Variants in ARHGAP44 observed in about 807,000 individuals in gnomAD.
The protein encoded by ARHGAP44 is Rho GTPase activating protein 44, also known as rho GTPase-activating protein 44.
A neutral mutation model predicts 106.8 loss-of-function variants in ARHGAP44; 43 were observed. The ratio of observed to expected loss-of-function variants is 0.40; its 90% CI spans 0.32 to 0.52. ARHGAP44 has a LOEUF of 0.52. Ranked by LOEUF, ARHGAP44 falls within the 20% of genes least tolerant of loss-of-function variation. ARHGAP44 has a pLI of 0.48. For missense variants in ARHGAP44, 866 were observed against 1,050.5 expected (o/e 0.82, Z 2.43); for synonymous variants, 439 against 410.3 (o/e 1.07, Z -0.85).
intron 18 of ARHGAP44, among the ~76,000 whole-genome samples, chr17:12,974,933 T>G (rs1485408630): frequency 1.3e-5 from 2 of 151,518 alleles, no homozygotes; most frequent in Non-Finnish European, 2.9e-5. Flanking sequence ...CACTGCAACC[T>G]CCGCCTTACA....
intron 1 of ARHGAP44, among the ~76,000 whole-genome samples, chr17:12,812,938 T>C (rs1302849978): frequency 6.6e-6 from 1 of 152,234 alleles, no homozygotes; most frequent in Non-Finnish European, 1.5e-5. Flanking sequence ...TCTCTACTTA[T>C]CTGGAGTATT....
At chr17:12,852,425 TTA>T (rs1269721003) in intron 1 of ARHGAP44, among the ~76,000 whole-genome samples, 1 of 150,856 alleles carries the variant, frequency 6.6e-6, no homozygotes, top group East Asian at 2.0e-4. Context: ...CTTGTCTATT[TTA>T]TGTTTTTTTG....
intron 4 of ARHGAP44, among the ~76,000 whole-genome samples, chr17:12,914,477 G>T (rs762691414): frequency 8.5e-5 from 13 of 152,150 alleles, no homozygotes; most frequent in Non-Finnish European, 1.6e-4. Context: ...ATCTGATTCC[G>T]CATGTACCAA....
intron 10 of ARHGAP44, 118 bp downstream of exon 10, chr17:12,944,314 T>G: frequency 3.0e-6 from 4 of 1,333,312 alleles, no homozygotes; most frequent in Non-Finnish European, 3.9e-6. Context: ...TCCAAATGGC[T>G]TAAGACAGTG....
chr17:12,946,098 A>G (rs2038844793), intron 10 of ARHGAP44, among the ~76,000 whole-genome samples: 1 of 152,178 alleles, frequency 6.6e-6, no homozygotes, highest in South Asian at 2.1e-4. Context: ...TCCCTGAGAG[A>G]GAGTTTCATG....
chr17:12,811,264 G>C (rs1247334357), intron 1 of ARHGAP44, among the ~76,000 whole-genome samples: 1 of 148,316 alleles, frequency 6.7e-6, no homozygotes, highest in East Asian at 2.0e-4. Flanking sequence ...AGTGAGCCGA[G>C]ATCGCACCAC....
chr17:12,897,359 G>A (rs990330053), intron 3 of ARHGAP44, among the ~76,000 whole-genome samples: 9 of 150,786 alleles, frequency 6.0e-5, no homozygotes, highest in African/African-American at 7.3e-5. Context: ...GGACTGTCAT[G>A]TAATGTGCCA....
intron 7 of ARHGAP44, among the ~76,000 whole-genome samples, chr17:12,938,859 A>C (rs776851570): frequency 6.6e-6 from 1 of 152,198 alleles, no homozygotes; most frequent in Non-Finnish European, 1.5e-5. Flanking sequence ...TAATCCAATC[A>C]TGCCTTTAAA....
intron 1 of ARHGAP44, among the ~76,000 whole-genome samples, chr17:12,827,855 A>G (rs530579518): frequency 1.3e-5 from 2 of 152,106 alleles, no homozygotes; most frequent in African/African-American, 4.8e-5. Context: ...CCTGGCCAAC[A>G]TGGTGAAACC....
Position 12,942,190 on chromosome 17 carries a change from A to G in ARHGAP44, c.651+1066A>G, listed in dbSNP as rs557047964. On this transcript the variant is annotated intron_variant, in intron 8 of 20. Coordinates refer to ENST00000379672, the MANE Select transcript of ARHGAP44 (RefSeq NM_014859.6). ...GAGATGGAGTCTCGCTCTGTTGCCC[A>G]GGCTGGAGTGCAGTGGCGTGATCTC... 2.8e-4 allele frequency among the ~76,000 whole-genome samples: 43 copies of G among 152,350 alleles called. 1 individual carries two copies. The highest frequency in any genetic ancestry group is 2.3e-3 in the South Asian group (11 of 4,822).
At position 12,970,741 on chromosome 17, in the gene ARHGAP44, G is replaced by C. The variant is rs117864100; in HGVS notation, c.1524-2561G>C. Among the ~76,000 whole-genome samples, 4 of 152,276 alleles carry C rather than the reference G, an allele frequency of 2.6e-5. No homozygotes were observed. In the East Asian group the frequency reaches 7.7e-4, roughly 29 times the overall value. ...CAGCAGTGCCTTGATTCCAGCTACT[G>C]TTTCTTTATGCAATAAAACAATGAA... On this transcript the variant is annotated intron_variant, in intron 16 of 20. Coordinates refer to ENST00000379672, the MANE Select transcript of ARHGAP44 (RefSeq NM_014859.6).
At chr17:12,861,761 A>G (rs1182988609) in intron 1 of ARHGAP44, among the ~76,000 whole-genome samples, 1 of 150,372 alleles carries the variant, frequency 6.7e-6, no homozygotes, top group Non-Finnish European at 1.5e-5. Context: ...CAGCCTCCCG[A>G]GTAGCTGGGA....
At chr17:12,902,511 T>C (rs997427778) in intron 3 of ARHGAP44, among the ~76,000 whole-genome samples, 3 of 152,196 alleles carry the variant, frequency 2.0e-5, no homozygotes, top group African/African-American at 4.8e-5. Flanking sequence ...AGCAGGGATC[T>C]TGTGTCCCCA....
Position 12,802,927 on chromosome 17 carries a change from TTATATATATATATATA to T in ARHGAP44, c.53+13064_53+13079del, listed in dbSNP as rs1159214788. 2.1e-3 allele frequency among the ~76,000 whole-genome samples: 62 copies of T among 29,228 alleles called. 1 individual carries two copies. Among genetic ancestry groups the T allele is most frequent in the African/African-American group, 7.2e-3 (56 of 7,732 alleles). The allele number at this position is 29,228 out of a possible 152,430, so 19.2% of individuals were successfully genotyped here. On this transcript the variant is annotated intron_variant, in intron 1 of 20. Coordinates refer to ENST00000379672, the MANE Select transcript of ARHGAP44 (RefSeq NM_014859.6). ...GCATGTACCACCATACCTGGCTAAT[TTATATATATATATATA>T]TATATATATATATATATATATATAT... is the stretch of plus-strand genomic sequence containing the variant.
intron 10 of ARHGAP44, among the ~76,000 whole-genome samples, chr17:12,948,429 G>T (rs1399211009): frequency 1.3e-5 from 2 of 152,146 alleles, no homozygotes; most frequent in East Asian, 1.9e-4. Flanking sequence ...CAGCACTTTG[G>T]GAGGCTGAGG....
intron 1 of ARHGAP44, among the ~76,000 whole-genome samples, chr17:12,835,006 C>T (rs998413411): frequency 1.3e-5 from 2 of 152,088 alleles, no homozygotes; most frequent in African/African-American, 2.4e-5. Flanking sequence ...GGGAAACTTG[C>T]TATGAGGGTT....
At chr17:12,816,850 T>G (rs1332694349) in intron 1 of ARHGAP44, among the ~76,000 whole-genome samples, 4 of 152,122 alleles carry the variant, frequency 2.6e-5, no homozygotes, top group African/African-American at 9.7e-5. Flanking sequence ...ATTGATAGAA[T>G]TAGTTCACAG....
intron 18 of ARHGAP44, among the ~76,000 whole-genome samples, chr17:12,977,165 TCTTTCCC>T (rs1427659440): frequency 1.3e-5 from 2 of 152,108 alleles, no homozygotes; most frequent in African/African-American, 4.8e-5. Context: ...TAGCCAAATG[TCTTTCCC>T]CTTTGCCCGG....
At chr17:12,963,608 TG>T (rs1302127274) in intron 16 of ARHGAP44, among the ~76,000 whole-genome samples, 1 of 151,802 alleles carries the variant, frequency 6.6e-6, no homozygotes, top group Non-Finnish European at 1.5e-5. Context: ...CAATGCTGTG[TG>T]TGCAGACAGG....
Sources: allele counts gnomAD v4.1 joint callset (sites outside exome capture counted in the v4.1 genomes callset), GRCh38; gene constraint gnomAD v4.1.1; transcripts MANE v1.5; gene names NCBI Gene and HGNC (gene_info 2026-07-23, HGNC 2026-07-21).